The following LAIR1 variants were observed in gnomAD, a reference collection of about 807,000 sequenced individuals.
LAIR1 encodes the protein leukocyte associated immunoglobulin like receptor 1, also known as leukocyte-associated immunoglobulin-like receptor 1.
LAIR1 carries 24 observed loss-of-function variants against 32.8 expected under a neutral mutation model. The ratio of observed to expected loss-of-function variants is 0.73; its 90% confidence interval spans 0.53 to 1.03. The LOEUF is 1.03. Ranked by LOEUF, LAIR1 falls within the 50% of genes least tolerant of loss-of-function variation. LAIR1 has a pLI of 0.00. For missense variants in LAIR1, 355 were observed against 347.5 expected (o/e 1.02, Z -0.17); for synonymous variants, 150 against 140.5 (o/e 1.07, Z -0.48).
rs2081657781 is a variant in LAIR1 at position 54,355,577 on chromosome 19, G to A, written c.718-163C>T. ...CCACAGGGTATTGGGGTTGGTTTAC[G>A]TGACAATGAACAAGGCAGAAGGGAA... On this transcript the variant is annotated intron_variant, in intron 9 of 9. Coordinates refer to ENST00000391742, the MANE Select transcript of LAIR1 (RefSeq NM_002287.6). This position sits in a 1 kb window ranked among gnomAD's most constrained non-coding sequence, Gnocchi z 4.7. Among the ~76,000 whole-genome samples, 1 of 152,182 alleles carries A rather than the reference G, an allele frequency of 6.6e-6. No individual in the cohort carries two copies. Among genetic ancestry groups the A allele is most frequent in the Admixed American group, 6.5e-5 (1 of 15,282 alleles).
At chr19:54,359,291 G>A (rs1371059123) in intron 4 of LAIR1, among the ~76,000 whole-genome samples, 2 of 151,880 alleles carry the variant, frequency 1.3e-5, no homozygotes, top group Non-Finnish European at 2.9e-5. Context: ...GGAGTTTCTG[G>A]TCACAGATCA....
upstream of LAIR1, among the ~76,000 whole-genome samples, chr19:54,367,563 G>A (rs561839282): frequency 1.4e-3 from 212 of 151,406 alleles, 1 homozygote; most frequent in Admixed American, 3.2e-3. Context: ...TGGCTAACAC[G>A]GTGAAACCCC....
chr19:54,361,581 G>T (rs4806753), intron 2 of LAIR1, among the ~76,000 whole-genome samples: 16 of 145,770 alleles, frequency 1.1e-4, no homozygotes, highest in Non-Finnish European at 1.7e-4. Context: ...CAGGGTCATT[G>T]GTGAAGGACA....
chr19:54,371,352 G>A (rs1328178289), upstream of LAIR1, among the ~76,000 whole-genome samples: 6 of 151,406 alleles, frequency 4.0e-5, 1 homozygote, highest in African/African-American at 9.8e-5. Context: ...AGGCTGGAGT[G>A]CAATGGTGCA....
chr19:54,356,494 G>C lies in LAIR1; in HGVS notation c.580C>G (p.Gln194Glu). Residue 194 changes from glutamine (Q) to glutamate (E), a missense_variant, in exon 6 of 10, where the codon CAG (glutamine) becomes GAG (glutamate). Physicochemically the swap from Gln to Glu is conservative, Grantham distance 29. Coordinates refer to ENST00000391742, the MANE Select transcript of LAIR1 (RefSeq NM_002287.6). ...FCLHRQNQIK[Q>E]GPPRSKDEEQ... is the part of the protein sequence containing the mutation. Reference sequence around the variant, plus strand: ...CCACCCTGCCCCTGAGACCTACCCTGCTTTATCTGATTCTGGCGATGGAGG... The same window carrying C: ...CCACCCTGCCCCTGAGACCTACCCTCCTTTATCTGATTCTGGCGATGGAGG... 1 of 1,613,998 alleles carries C rather than the reference G, an allele frequency of 6.2e-7. No homozygotes were observed.
chr19:54,362,846 C>T (rs958216592), intron 2 of LAIR1, among the ~76,000 whole-genome samples: 6 of 151,874 alleles, frequency 4.0e-5, no homozygotes, highest in African/African-American at 1.5e-4. Context: ...GAAGAACCAC[C>T]ATATTGAGCG....
Position 54,355,503 on chromosome 19 carries a change from A to C in LAIR1, c.718-89T>G. ...AGGGAGGGCTGTGGCGGCCATCTCC[A>C]TGGGCCCTGAGGACCCTCTCCTAAA... On this transcript the variant is annotated intron_variant, in intron 9 of 9. Transcript: ENST00000391742. This position sits in a 1 kb window ranked among gnomAD's most constrained non-coding sequence, Gnocchi z 4.7. 2 of 1,234,120 alleles carry C rather than the reference A, an allele frequency of 1.6e-6. No homozygotes were observed. Among genetic ancestry groups the C allele is most frequent in the Non-Finnish European group, 2.2e-6 (2 of 893,474 alleles). 76.4% of individuals were successfully genotyped at this position (1,234,120 alleles called of 1,614,324 possible).
At chr19:54,370,161 A>G (rs1027226516) in intron 1 of LAIR1, 46 of 645,970 alleles carry the variant, frequency 7.1e-5, no homozygotes, top group South Asian at 3.9e-4. Context: ...CAAGTCATCC[A>G]CATTGGCTCA....
upstream of LAIR1, among the ~76,000 whole-genome samples, chr19:54,369,241 C>A (rs750663785): frequency 4.6e-5 from 7 of 151,378 alleles, no homozygotes; most frequent in African/African-American, 1.7e-4. Flanking sequence ...AATGCAGGGG[C>A]ACCGTCCTGC....
Position 54,361,173 on chromosome 19 carries a change from C to T in LAIR1, c.107G>A (p.Gly36Asp). 1 of 1,614,208 alleles carries T rather than the reference C, an allele frequency of 6.2e-7. No homozygotes were observed. The highest frequency in any genetic ancestry group is 8.5e-7 in the Non-Finnish European group (1 of 1,180,036). Residue 36 changes from glycine (G) to aspartate (D), a missense_variant, in exon 3 of 10, where the codon GGC (glycine) becomes GAC (aspartate). Transcript: ENST00000391742. Reference protein sequence around the residue: ...LPRPSISAEPGTVIPLGSHVT... With the variant: ...LPRPSISAEPDTVIPLGSHVT... ...ATGGCTCCCCAGGGGGATCACGGTG[C>T]CTGGCTCAGCCGAGATGGAGGGTCT...
intron 2 of LAIR1, among the ~76,000 whole-genome samples, chr19:54,362,454 A>C (rs2082071460): frequency 6.6e-6 from 1 of 152,224 alleles, no homozygotes; most frequent in Non-Finnish European, 1.5e-5. Context: ...GACTTCCAGA[A>C]GGGAGGACCG....
In LAIR1 at chr19:54,355,808, C is replaced by G. The variant is rs2081668892; in HGVS notation, c.717+146G>C. On this transcript the variant is annotated intron_variant, in intron 9 of 9. Transcript: ENST00000391742. This position sits in a 1 kb window ranked among gnomAD's most constrained non-coding sequence, Gnocchi z 4.7. ...CGGGAGCCTTCGGATGCACACAGCC[C>G]TGGGCGACCTCTCGACAGCAACCTC... is the stretch of plus-strand genomic sequence containing the variant. 1.5e-6 allele frequency: 1 copy of G among 658,832 alleles called. No individual in the cohort carries two copies. Among genetic ancestry groups the G allele is most frequent in the South Asian group, 1.7e-5 (1 of 58,016 alleles). 40.8% of individuals were successfully genotyped at this position (658,832 alleles called of 1,614,324 possible).
At position 54,364,357 on chromosome 19, in the gene LAIR1, A is replaced by T. The variant is rs768738395; in HGVS notation, c.35-27T>A. 6.2e-7 allele frequency: 1 copy of T among 1,613,858 alleles called. No homozygotes were observed. The highest frequency in any genetic ancestry group is 8.5e-7 in the Non-Finnish European group (1 of 1,179,848). ...TGGAAGAGAAGCCCCAGTGAGAAAA[A>T]TGCCCAGTGCCCAGTCTCCTTACGG... On this transcript the variant is annotated intron_variant, in intron 1 of 9. Coordinates refer to ENST00000391742, the MANE Select transcript of LAIR1 (RefSeq NM_002287.6). This position sits in a 1 kb window ranked among gnomAD's most constrained non-coding sequence, Gnocchi z 4.8.
At chr19:54,358,348 A>C in intron 4 of LAIR1, 1 of 178,684 alleles carries the variant, frequency 5.6e-6, no homozygotes, top group Non-Finnish European at 1.1e-5. Flanking sequence ...GTGATACACT[A>C]ACATGTTTTA....
chr19:54,357,700 C>T (rs1412972443), intron 4 of LAIR1: 3 of 152,310 alleles, frequency 2.0e-5, no homozygotes, highest in Admixed American at 2.0e-4. Flanking sequence ...AGGGGCTCCC[C>T]CAAACCCAGG....
At chr19:54,361,375 G>C (rs562283567) in intron 2 of LAIR1, 166 bp from the exon 3 acceptor site, 4 of 721,400 alleles carry the variant, frequency 5.5e-6, no homozygotes, top group Non-Finnish European at 9.5e-6. Context: ...CACCTTCTAC[G>C]TGCATGTGAT....
Position 54,355,336 on chromosome 19 carries a change from C to A in LAIR1, c.796G>T (p.Ala266Ser), listed in dbSNP as rs888124179. The change falls in exon 10 of 10, where the codon GCT becomes TCT. Residue 266 changes from alanine to serine, a missense_variant. Transcript: ENST00000391742. The surrounding 1 kb of genome is among the most constrained non-coding windows in gnomAD (Gnocchi z 4.7). ...HWALTQRTARAVSPQSTKPMA... is the reference protein window; with the variant it reads ...HWALTQRTARSVSPQSTKPMA... ...GGCTTTGTGGACTGTGGGGACACAG[C>A]CCGGGCTGTCCTCTGTGTGAGGGCC... 5 of 1,613,062 alleles carry A rather than the reference C, an allele frequency of 3.1e-6. No homozygotes were observed. In the African/African-American group the frequency reaches 5.3e-5, roughly 17 times the overall value.
In LAIR1 at chr19:54,355,700, TG is replaced by T. The variant is rs900133476; in HGVS notation, c.717+253del. 6.6e-6 allele frequency among the ~76,000 whole-genome samples: 1 copy of T among 152,146 alleles called. No individual in the cohort carries two copies. Among genetic ancestry groups the T allele is most frequent in the Non-Finnish European group, 1.5e-5 (1 of 68,018 alleles). On this transcript the variant is annotated intron_variant, in intron 9 of 9. Coordinates refer to ENST00000391742, the MANE Select transcript of LAIR1 (RefSeq NM_002287.6). This position sits in a 1 kb window ranked among gnomAD's most constrained non-coding sequence, Gnocchi z 4.7. ...CTCCCTCTGGGGGAAGCCGGCTGTG[TG>T]GAGAGGCCCCTGTGAGAGGAACAGA...
rs2081620156 is a variant in LAIR1, at chr19:54,354,665, G to T, written c.*603C>A. ...CCTATGCACCCAGGACCAGGCCTGG[G>T]GCTGCCAGATGTGAGGCCTTCAAAA... On this transcript the variant is annotated 3_prime_UTR_variant, in exon 10 of 10. Transcript: ENST00000391742. The T allele has an allele frequency of 6.6e-6, 1 of 152,236 alleles. No homozygotes were observed. The highest frequency in any genetic ancestry group is 2.4e-5 in the African/African-American group (1 of 41,450). 9.4% of individuals were successfully genotyped at this position (152,236 alleles called of 1,614,324 possible). A position where few individuals can be genotyped will look rare whatever the true frequency, so the allele number is the denominator to read the frequency against.
Sources: gnomAD v4.1 joint callset for allele counts (sites outside exome capture counted in the v4.1 genomes callset) on GRCh38, gnomAD v4.1.1 for gene constraint, Gnocchi (gnomAD v3.1) non-coding constraint, MANE v1.5 for transcripts, NCBI Gene and HGNC (gene_info 2026-07-23, HGNC 2026-07-21) for gene names.